Variants in FTCDNL1 observed in about 807,000 individuals in gnomAD.
FTCDNL1 encodes the protein formiminotransferase N-terminal subdomain-containing protein.
FTCDNL1 carries 11 observed loss-of-function variants against 5.9 expected under a neutral mutation model. The ratio of observed to expected loss-of-function variants is 1.87; its 90% CI spans 1.18 to 3.10. The LOEUF (loss-of-function observed/expected upper bound fraction) is 3.10, where lower values mean the gene tolerates loss of function less well. FTCDNL1 is among the 30% of genes most tolerant of loss of function. The pLI, the probability that FTCDNL1 is intolerant of heterozygous loss-of-function variation, is 0.00. For synonymous variants in FTCDNL1, 58 were observed against 24.8 expected, an observed-to-expected ratio of 2.34 and a Z score of -3.99; for missense variants, 115 against 65.5, an observed-to-expected ratio of 1.76 and a Z score of -2.61.
chr2:199,790,895 G>A (rs1037318166), intron 3 of FTCDNL1, among the ~76,000 whole-genome samples: 14 of 152,060 alleles, frequency 9.2e-5, no homozygotes, highest in African/African-American at 2.9e-4. Flanking sequence ...CAATTTCTGT[G>A]AAAATTTAAA....
the FTCDNL1 span, among the ~76,000 whole-genome samples, chr2:199,735,270 CA>C: frequency 6.6e-6 from 1 of 152,054 alleles, no homozygotes; most frequent in Admixed American, 6.6e-5. Flanking sequence ...TGACTTTGAC[CA>C]TTCAATTTCC....
At chr2:199,694,720 GT>G in the FTCDNL1 span, among the ~76,000 whole-genome samples, 2 of 152,146 alleles carry the variant, frequency 1.3e-5, no homozygotes, top group Non-Finnish European at 2.9e-5. Flanking sequence ...TGTAGTCCCA[GT>G]TACTCAGGAG....
chr2:199,849,570 CA>C (rs2076821289), intron 1 of FTCDNL1, among the ~76,000 whole-genome samples: 2 of 152,098 alleles, frequency 1.3e-5, no homozygotes, highest in Non-Finnish European at 2.9e-5. Flanking sequence ...AGTCTTTTTA[CA>C]AAATTCTGTA....
chr2:199,850,685 C>G, intron 1 of FTCDNL1, 55 bp downstream of exon 1: 1 of 152,484 alleles, frequency 6.6e-6, no homozygotes. Context: ...CCCGCCCCCG[C>G]GCCTCCCCAC....
At chr2:199,711,189 A>G in the FTCDNL1 span, among the ~76,000 whole-genome samples, 1 of 152,146 alleles carries the variant, frequency 6.6e-6, no homozygotes, top group Non-Finnish European at 1.5e-5. Flanking sequence ...TGGGCACATT[A>G]CTAAAAATAC....
chr2:199,689,863 T>C, the FTCDNL1 span, among the ~76,000 whole-genome samples: 1 of 151,208 alleles, frequency 6.6e-6, no homozygotes, highest in African/African-American at 2.4e-5. Context: ...AAGATGTATG[T>C]GCACAATGAT....
the FTCDNL1 span, among the ~76,000 whole-genome samples, chr2:199,738,939 A>C: frequency 2.0e-5 from 3 of 152,162 alleles, no homozygotes; most frequent in Admixed American, 2.0e-4. Context: ...CACCATTCTC[A>C]TGTATTTCAG....
At chr2:199,716,061 A>G in the FTCDNL1 span, among the ~76,000 whole-genome samples, 2 of 147,970 alleles carry the variant, frequency 1.4e-5, no homozygotes, top group African/African-American at 4.9e-5. Context: ...AAAAAAAAAA[A>G]AAAAGGAACA....
intron 3 of FTCDNL1, among the ~76,000 whole-genome samples, chr2:199,778,583 T>A (rs1217225012): frequency 6.6e-6 from 1 of 152,138 alleles, no homozygotes; most frequent in Non-Finnish European, 1.5e-5. Flanking sequence ...AGCAAGCCTA[T>A]AAATTAAGCC....
downstream of FTCDNL1, among the ~76,000 whole-genome samples, chr2:199,807,477 G>GA (rs35687967): frequency 1.0e-4 from 15 of 149,216 alleles, no homozygotes; most frequent in African/African-American, 3.0e-4. Flanking sequence ...GTTTCTACTG[G>GA]AAAAAAAAAA....
the FTCDNL1 span, among the ~76,000 whole-genome samples, chr2:199,722,964 T>C: frequency 6.6e-6 from 1 of 151,800 alleles, no homozygotes; most frequent in South Asian, 2.1e-4. Flanking sequence ...GATTTTTTTT[T>C]CAATTTTAGT....
At chr2:199,678,315 A>C in the FTCDNL1 span, among the ~76,000 whole-genome samples, 1 of 152,288 alleles carries the variant, frequency 6.6e-6, no homozygotes, top group African/African-American at 2.4e-5. Flanking sequence ...GCTTTCAGTA[A>C]AATAGATAGA....
At chr2:199,841,847 C>G (rs1417134553) in intron 3 of FTCDNL1, among the ~76,000 whole-genome samples, 5 of 152,184 alleles carry the variant, frequency 3.3e-5, no homozygotes, top group Non-Finnish European at 5.9e-5. Flanking sequence ...CTCTATCATG[C>G]AGGCAGAGTG....
downstream of FTCDNL1, among the ~76,000 whole-genome samples, chr2:199,759,138 T>A (rs12474380): frequency 0.024 from 3,563 of 150,836 alleles, 229 homozygotes; most frequent in Admixed American, 0.14. Flanking sequence ...TATATTTGTG[T>A]GTGTATATAT....
the FTCDNL1 span, among the ~76,000 whole-genome samples, chr2:199,695,469 T>C: frequency 7.4e-4 from 113 of 152,176 alleles, no homozygotes; most frequent in African/African-American, 2.6e-3. Flanking sequence ...TAAGAAAATA[T>C]TGTAAAATAT....
chr2:199,765,556 A>ATATTT, intron 3 of FTCDNL1, among the ~76,000 whole-genome samples: 7 of 42,660 alleles, frequency 1.6e-4, no homozygotes, highest in Admixed American at 4.3e-4. Context: ...ATATATATAT[A>ATATTT]TTTTTTTTTT....
intron 4 of FTCDNL1, among the ~76,000 whole-genome samples, chr2:199,818,066 T>G (rs935621762): frequency 6.6e-6 from 1 of 152,230 alleles, no homozygotes; most frequent in Non-Finnish European, 1.5e-5. Context: ...AGAATTAAGT[T>G]ATTCAAGTGT....
chr2:199,839,416 T>C (rs1045062146), intron 3 of FTCDNL1, among the ~76,000 whole-genome samples: 5 of 152,018 alleles, frequency 3.3e-5, no homozygotes, highest in African/African-American at 1.2e-4. Flanking sequence ...GTTATAAAAA[T>C]AGAGTGATGG....
At chr2:199,709,277 T>C in the FTCDNL1 span, among the ~76,000 whole-genome samples, 1 of 152,224 alleles carries the variant, frequency 6.6e-6, no homozygotes, top group East Asian at 1.9e-4. Context: ...TCTGAAGCTA[T>C]AAATTTGAAA....
Sources: gnomAD v4.1 joint callset for allele counts (sites outside exome capture counted in the v4.1 genomes callset) on GRCh38, gnomAD v4.1.1 for gene constraint, MANE v1.5 for transcripts, NCBI Gene and HGNC (gene_info 2026-07-23, HGNC 2026-07-21) for gene names.